VPS13B: variants seen among roughly 807,000 people sequenced by gnomAD.
VPS13B encodes intermembrane lipid transfer protein VPS13B.
Under a neutral mutation model 426.4 loss-of-function variants are expected in VPS13B, and 285 were observed. The ratio of observed to expected loss-of-function variants is 0.67; its 90% CI spans 0.61 to 0.74. The LOEUF (loss-of-function observed/expected upper bound fraction) is 0.74, where lower values mean the gene tolerates loss of function less well. Ranked by LOEUF, VPS13B falls within the 30% of genes least tolerant of loss-of-function variation. VPS13B has a pLI of 0.00. For synonymous variants in VPS13B, 1,676 were observed against 1,676.4 expected (o/e 1.00, Z 0.01); for missense variants, 4,537 against 4,782.6 (o/e 0.95, Z 1.51).
At position 99,603,117 on chromosome 8, in the gene VPS13B, GA is replaced by G. The variant is rs368750583; in HGVS notation, c.5220+25490del. On this transcript the variant is annotated intron_variant, in intron 33 of 61. Transcript: ENST00000357162. ...GATTGGAATTTATTGGAATGAGAAG[GA>G]AAAAATGATACAACGACATTCCTAA... Among the ~76,000 whole-genome samples, 3 of 152,232 alleles carry G rather than the reference GA, an allele frequency of 2.0e-5. No homozygotes were observed. In the East Asian group the frequency reaches 5.8e-4, roughly 29 times the overall value.
At position 99,299,087 on chromosome 8, in the gene VPS13B, G is replaced by GT. The variant is rs1820210013; in HGVS notation, c.2824+23836dup. 2.8e-5 allele frequency among the ~76,000 whole-genome samples: 3 copies of GT among 106,874 alleles called. No homozygotes were observed. The South Asian group carries it at 9.7e-4, about 35-fold the overall frequency. The allele number at this position is 106,874 out of a possible 152,430, so 70.1% of individuals were successfully genotyped here. A position where few individuals can be genotyped will look rare whatever the true frequency, so the allele number is the denominator to read the frequency against. ...TTTTTTTTTTTTTTTTTGAGACAGA[G>GT]TTTCACTCTTGTTGCCCAGGCTGGA... is the stretch of plus-strand genomic sequence containing the variant. On this transcript the variant is annotated intron_variant, in intron 19 of 61. Coordinates refer to ENST00000357162, the MANE Select transcript of VPS13B (RefSeq NM_152564.5).
Position 99,699,933 on chromosome 8 carries a change from G to C in VPS13B, c.6454+1G>C, listed in dbSNP as rs1235993153. 1 of 1,613,484 alleles carries C rather than the reference G, an allele frequency of 6.2e-7. No individual in the cohort carries two copies. The highest frequency in any genetic ancestry group is 8.5e-7 in the Non-Finnish European group (1 of 1,179,864). On this transcript the variant is annotated splice_donor_variant, in intron 36 of 61. Transcript: ENST00000357162. LOFTEE classifies it high-confidence loss of function. ...GTCAAGGCAACACAAAAAGTACCTG[G>C]TAAGTCACAGAAAAGGGGAGGGGGG...
At position 99,181,079 on chromosome 8, in the gene VPS13B, T is replaced by G. The variant is rs370843706; in HGVS notation, c.2333+10916T>G. On this transcript the variant is annotated intron_variant, in intron 16 of 61. Transcript: ENST00000357162. ...ATTTTTAGGAGTTTGTCCTTAGATA[T>G]AATTAAGCGAATGACCAATAATTAG... 3.9e-5 allele frequency among the ~76,000 whole-genome samples: 6 copies of G among 152,264 alleles called. No homozygotes were observed. In the South Asian group the frequency reaches 8.3e-4, roughly 21 times the overall value.
At chr8:99,821,540 T>A (rs904047290) in intron 50 of VPS13B, 58 bp downstream of exon 50, 1 of 1,599,822 alleles carries the variant, frequency 6.3e-7, no homozygotes. Context: ...TTAACCTGTC[T>A]AAAATGAATC....
intron 2 of VPS13B, among the ~76,000 whole-genome samples, chr8:99,031,953 A>G (rs754815278): frequency 6.6e-5 from 10 of 152,244 alleles, no homozygotes; most frequent in Non-Finnish European, 1.2e-4. Context: ...TCAAATGCGA[A>G]TTCTCTCTTT....
intron 15 of VPS13B, among the ~76,000 whole-genome samples, chr8:99,167,249 A>ACAAC (rs1812060765): frequency 6.6e-6 from 1 of 152,108 alleles, no homozygotes; most frequent in South Asian, 2.1e-4. Flanking sequence ...ATTATGCTGT[A>ACAAC]CAACCCTAGT....
chr8:99,077,371 T>G (rs1845188809), intron 3 of VPS13B, among the ~76,000 whole-genome samples: 1 of 152,102 alleles, frequency 6.6e-6, no homozygotes, highest in Non-Finnish European at 1.5e-5. Context: ...GTTTTCTCCC[T>G]GTTGGTCAGG....
chr8:99,620,883 G>A (rs1419079063), intron 33 of VPS13B, among the ~76,000 whole-genome samples: 1 of 151,582 alleles, frequency 6.6e-6, no homozygotes, highest in Admixed American at 6.6e-5. Context: ...CTACTTAGGA[G>A]GCTCAGGCAG....
chr8:99,358,623 C>T (rs1230859739), intron 19 of VPS13B, among the ~76,000 whole-genome samples: 1 of 152,068 alleles, frequency 6.6e-6, no homozygotes, highest in East Asian at 1.9e-4. Context: ...TTTGCTTTTT[C>T]TTTTGGACTA....
chr8:99,113,862 C>T (rs1240661050), intron 6 of VPS13B, among the ~76,000 whole-genome samples: 2 of 151,992 alleles, frequency 1.3e-5, no homozygotes, highest in African/African-American at 4.8e-5. Context: ...TGCGCCTGGC[C>T]CCTCTATTTC....
At chr8:99,597,210 T>A (rs754254501) in intron 33 of VPS13B, among the ~76,000 whole-genome samples, 2 of 152,002 alleles carry the variant, frequency 1.3e-5, no homozygotes, top group Non-Finnish European at 2.9e-5. Flanking sequence ...CCTGTGACAC[T>A]GGCCTGGCCA....
At chr8:99,187,367 C>T (rs902423231) in intron 16 of VPS13B, among the ~76,000 whole-genome samples, 3 of 152,078 alleles carry the variant, frequency 2.0e-5, no homozygotes, top group Admixed American at 6.6e-5. Flanking sequence ...GTTGGAAAAG[C>T]GAAAGGAAAT....
intron 12 of VPS13B, among the ~76,000 whole-genome samples, chr8:99,137,299 C>CT (rs1294379408): frequency 1.3e-5 from 2 of 150,512 alleles, no homozygotes; most frequent in African/African-American, 4.9e-5. Context: ...CTATTTCAGT[C>CT]TTTTTTATGT....
intron 17 of VPS13B, among the ~76,000 whole-genome samples, chr8:99,239,904 T>C (rs1816832029): frequency 6.6e-6 from 1 of 152,208 alleles, no homozygotes; most frequent in African/African-American, 2.4e-5. Context: ...CTACTTTAGA[T>C]GGTATTTTGG....
chr8:99,143,188 A>G (rs1431891336), intron 13 of VPS13B, 23 bp downstream of exon 13: 21 of 1,613,288 alleles, frequency 1.3e-5, no homozygotes, highest in Middle Eastern at 1.6e-4. Flanking sequence ...ATTAATTTTG[A>G]ATCTTTTGCC....
At chr8:99,230,356 A>G (rs765118178) in intron 17 of VPS13B, among the ~76,000 whole-genome samples, 2 of 152,180 alleles carry the variant, frequency 1.3e-5, no homozygotes, top group Non-Finnish European at 2.9e-5. Flanking sequence ...GGTTTCCTGC[A>G]TATAGCAGGG....
chr8:99,504,038 G>C (rs1821371629), intron 27 of VPS13B, among the ~76,000 whole-genome samples: 1 of 152,198 alleles, frequency 6.6e-6, no homozygotes, highest in Admixed American at 6.5e-5. Context: ...CAGTGTTGGA[G>C]GTTGGGCCTA....
intron 3 of VPS13B, among the ~76,000 whole-genome samples, chr8:99,042,790 A>G (rs534911474): frequency 2.4e-4 from 37 of 152,274 alleles, no homozygotes; most frequent in Non-Finnish European, 4.9e-4. Flanking sequence ...TTCCAGTATT[A>G]ATAAGAAAAA....
chr8:99,842,571 C>T (rs895280768), intron 54 of VPS13B, among the ~76,000 whole-genome samples: 7 of 151,956 alleles, frequency 4.6e-5, no homozygotes, highest in Admixed American at 1.3e-4. Flanking sequence ...GCTATGATCA[C>T]GCCACAGCAT....
Sources: gnomAD v4.1 joint callset for allele counts (sites outside exome capture counted in the v4.1 genomes callset) on GRCh38, gnomAD v4.1.1 for gene constraint, MANE v1.5 for transcripts, NCBI Gene and HGNC (gene_info 2026-07-23, HGNC 2026-07-21) for gene names.